Variants in NDRG4 observed in about 807,000 individuals in gnomAD.
NDRG4 encodes the protein NDRG family member 4, also known as protein NDRG4.
NDRG4 carries 38 observed loss-of-function variants against 55.8 expected under a neutral mutation model. The ratio of observed to expected loss-of-function variants is 0.68; its 90% CI spans 0.53 to 0.89. The LOEUF is 0.89. NDRG4 is among the 40% of genes least tolerant of loss of function. The pLI is 0.00. For synonymous variants in NDRG4, 190 were observed against 182.7 expected, an observed-to-expected ratio of 1.04 and a Z score of -0.32; for missense variants, 455 against 468.6, an observed-to-expected ratio of 0.97 and a Z score of 0.27.
Position 58,500,166 on chromosome 16 carries a change from G to T in NDRG4, c.-83G>T. 1.3e-6 allele frequency: 2 copies of T among 1,535,638 alleles called. No individual in the cohort carries two copies. The highest frequency in any genetic ancestry group is 1.2e-5 in the South Asian group (1 of 83,936). ...TCACAGAGCCGACCATCTCCCACTC[G>T]AGCTGCCCCCGCCCTCTGGACCCGA... On this transcript the variant is annotated 5_prime_UTR_variant, in exon 1 of 15. Coordinates refer to ENST00000570248, the MANE Select transcript of NDRG4 (RefSeq NM_001242835.2).
intron 14 of NDRG4, 81 bp from the exon 15 acceptor site, chr16:58,511,341 T>A (rs941200512): frequency 8.4e-5 from 123 of 1,467,380 alleles, no homozygotes; most frequent in Non-Finnish European, 1.0e-4. Flanking sequence ...CGCTGGCCGC[T>A]TTGCTTGCAG....
intron 1 of NDRG4, among the ~76,000 whole-genome samples, chr16:58,481,848 A>G (rs1459705819): frequency 6.6e-6 from 1 of 152,166 alleles, no homozygotes; most frequent in Non-Finnish European, 1.5e-5. Flanking sequence ...AGATCAGGAT[A>G]AGGACAGGGA....
At chr16:58,474,526 C>G (rs2033361867) in intron 1 of NDRG4, among the ~76,000 whole-genome samples, 3 of 152,172 alleles carry the variant, frequency 2.0e-5, no homozygotes, top group Admixed American at 2.0e-4. Context: ...TCTTACCACC[C>G]TGTTTCACAT....
intron 1 of NDRG4, among the ~76,000 whole-genome samples, chr16:58,478,275 G>A (rs1223713808): frequency 6.6e-6 from 1 of 152,016 alleles, no homozygotes; most frequent in Non-Finnish European, 1.5e-5. Flanking sequence ...TGTAATCCCA[G>A]CTACTTGGGA....
chr16:58,501,894 G>C (rs371046520), intron 1 of NDRG4: 4 of 440,448 alleles, frequency 9.1e-6, no homozygotes, highest in Non-Finnish European at 1.9e-5. Context: ...GGAAGGCACC[G>C]CCCTGGGCTC....
intron 13 of NDRG4, 179 bp downstream of exon 13, chr16:58,509,531 G>A: frequency 1.5e-6 from 1 of 653,874 alleles, no homozygotes; most frequent in Non-Finnish European, 2.6e-6. Context: ...TGCCACCTGA[G>A]TTGCAAGTTG....
chr16:58,477,119 T>A (rs910541822), intron 1 of NDRG4, among the ~76,000 whole-genome samples: 3 of 150,962 alleles, frequency 2.0e-5, no homozygotes, highest in Non-Finnish European at 4.4e-5. Context: ...TCCATATATA[T>A]GATATATATG....
upstream of NDRG4, chr16:58,496,875 C>T (rs1415994455): frequency 6.6e-6 from 1 of 152,174 alleles, no homozygotes; most frequent in Non-Finnish European, 1.5e-5. Context: ...TTATTTGCCT[C>T]ATTTGTAAAG....
chr16:58,511,203 G>T, intron 14 of NDRG4: 1 of 579,482 alleles, frequency 1.7e-6, no homozygotes, highest in Non-Finnish European at 3.1e-6. Context: ...GCTCAGGGCT[G>T]CCTGGTCAGC....
At chr16:58,502,140 G>A (rs1238812567) in intron 1 of NDRG4, 1 of 410,594 alleles carries the variant, frequency 2.4e-6, no homozygotes, top group Admixed American at 2.5e-5. Flanking sequence ...CTCTGGGATT[G>A]ACCTTGGGCA....
rs2031268557 is a variant in NDRG4, at chr16:58,464,894, C to T, written c.-24+1097C>T. ...CCGTCTTTCTCTGGGGGAGAAGTTT[C>T]TTGCTGGGAGTGGAGGCGACGCCAA... On this transcript the variant is annotated intron_variant, in intron 1 of 15. Coordinates refer to the NDRG4 transcript ENST00000258187. This position sits in a 1 kb window ranked among gnomAD's most constrained non-coding sequence, Gnocchi z 4.8. 8.5e-7 allele frequency: 1 copy of T among 1,173,840 alleles called. No individual in the cohort carries two copies. Among genetic ancestry groups the T allele is most frequent in the African/African-American group, 1.6e-5 (1 of 61,900 alleles). 72.7% of individuals were successfully genotyped at this position (1,173,840 alleles called of 1,614,324 possible). A position where few individuals can be genotyped will look rare whatever the true frequency, so the allele number is the denominator to read the frequency against.
At chr16:58,467,090 G>A (rs551851677) in intron 1 of NDRG4, among the ~76,000 whole-genome samples, 1 of 152,280 alleles carries the variant, frequency 6.6e-6, no homozygotes, top group East Asian at 1.9e-4. Flanking sequence ...AATGCTCAAG[G>A]GTTGCTGACT....
intron 2 of NDRG4, 73 bp from the exon 3 acceptor site, chr16:58,504,081 C>CGCAG (rs1003460326): frequency 3.7e-6 from 6 of 1,603,120 alleles, no homozygotes; most frequent in Admixed American, 1.7e-5. Flanking sequence ...CCTTGCCTGC[C>CGCAG]CTCTGGGGGC....
Position 58,495,121 on chromosome 16 carries a change from CAG to C in NDRG4, c.117+119_117+120del, listed in dbSNP as rs201241601. On this transcript the variant is annotated intron_variant, in intron 3 of 15. Transcript: ENST00000258187. ...GCCCTTCTGTGTGCCCCCTGCCTAA[CAG>C]AGAGATGCTGGGGTGGGAGATGAAC... The C allele has an allele frequency of 1.1e-3, 1,137 of 1,029,478 alleles. 12 individuals carry two copies. In the Admixed American group the frequency reaches 0.012, roughly 11 times the overall value. The allele number at this position is 1,029,478 out of a possible 1,614,324, so 63.8% of individuals were successfully genotyped here. A position where few individuals can be genotyped will look rare whatever the true frequency, so the allele number is the denominator to read the frequency against.
rs914247549 is a variant in NDRG4, at chr16:58,464,992, A to AAGTG, written c.-24+1197_-24+1200dup. On this transcript the variant is annotated intron_variant, in intron 1 of 15. Transcript: ENST00000258187. The surrounding 1 kb of genome is among the most constrained non-coding windows in gnomAD (Gnocchi z 4.8). Reference sequence around the variant, plus strand: ...CCTCAGCCTTGGGGCTCCTCTGGAGAAGTGATCAGTTGCCCTGCTGGAAAC... The same window carrying AAGTG: ...CCTCAGCCTTGGGGCTCCTCTGGAGAAGTGAGTGATCAGTTGCCCTGCTGGAAAC... 3.5e-5 allele frequency: 43 copies of AAGTG among 1,225,470 alleles called. No individual in the cohort carries two copies. The highest frequency in any genetic ancestry group is 4.3e-5 in the Non-Finnish European group (41 of 956,240). The allele number at this position is 1,225,470 out of a possible 1,614,324, so 75.9% of individuals were successfully genotyped here.
intron 7 of NDRG4, 106 bp from the exon 8 acceptor site, chr16:58,506,806 T>A (rs370929621): frequency 2.4e-6 from 3 of 1,241,264 alleles, no homozygotes; most frequent in East Asian, 5.1e-5. Context: ...CCCTGCCTGC[T>A]GAGTGGGGCA....
chr16:58,508,100 CCT>C (rs2038286028), intron 10 of NDRG4, 101 bp downstream of exon 10: 3 of 1,109,362 alleles, frequency 2.7e-6, no homozygotes, highest in Non-Finnish European at 3.8e-6. Flanking sequence ...CCCAGGGGAG[CCT>C]CCAGGGCCAG....
At chr16:58,478,700 T>TTTG (rs1555528531) in intron 1 of NDRG4, among the ~76,000 whole-genome samples, 11 of 148,060 alleles carry the variant, frequency 7.4e-5, no homozygotes, top group Non-Finnish European at 1.3e-4. Context: ...GTTTTTTGTT[T>TTTG]TTTTTTTTTG....
chr16:58,470,964 G>A (rs1280140944), intron 1 of NDRG4, among the ~76,000 whole-genome samples: 1 of 151,326 alleles, frequency 6.6e-6, no homozygotes, highest in Non-Finnish European at 1.5e-5. Flanking sequence ...AGAAGAACAG[G>A]TGATATGATT....
Sources: allele counts gnomAD v4.1 joint callset (sites outside exome capture counted in the v4.1 genomes callset), GRCh38; gene constraint gnomAD v4.1.1; non-coding constraint Gnocchi (gnomAD v3.1); transcripts MANE v1.5; gene names NCBI Gene and HGNC (gene_info 2026-07-23, HGNC 2026-07-21).